MYO18B: variants seen among roughly 807,000 people sequenced by gnomAD.
MYO18B encodes the protein unconventional myosin-XVIIIb.
A neutral mutation model predicts 273.0 loss-of-function variants in MYO18B; 204 were observed. That is an observed-to-expected ratio of 0.75 (90% CI 0.67 to 0.84). MYO18B has a LOEUF of 0.84. Ranked by LOEUF, MYO18B falls within the 40% of genes least tolerant of loss-of-function variation. MYO18B has a pLI of 0.00. For synonymous variants in MYO18B, 1,330 were observed against 1,305.7 expected, an observed-to-expected ratio of 1.02 and a Z score of -0.40; for missense variants, 3,212 against 3,287.6, an observed-to-expected ratio of 0.98 and a Z score of 0.56.
At chr22:25,913,607 A>T (rs1471489090) in intron 33 of MYO18B, among the ~76,000 whole-genome samples, 1 of 152,138 alleles carries the variant, frequency 6.6e-6, no homozygotes, top group East Asian at 1.9e-4. Context: ...TGACCTCGTG[A>T]TCCACCCGCC....
chr22:25,820,852 C>A (rs1329181601), intron 12 of MYO18B, among the ~76,000 whole-genome samples: 2 of 152,126 alleles, frequency 1.3e-5, no homozygotes, highest in East Asian at 1.9e-4. Flanking sequence ...CCCTTCCCAG[C>A]CTCTAGTATG....
At chr22:26,060,681 T>C in the MYO18B span, among the ~76,000 whole-genome samples, 5 of 151,714 alleles carry the variant, frequency 3.3e-5, no homozygotes, top group South Asian at 4.2e-4. Flanking sequence ...ACATGCACAC[T>C]ACACACATAT....
chr22:25,906,392 G>A (rs1004910703), intron 31 of MYO18B, among the ~76,000 whole-genome samples: 4 of 152,182 alleles, frequency 2.6e-5, no homozygotes, highest in African/African-American at 9.7e-5. Context: ...GACATTTAAA[G>A]TGAGCCTACT....
intron 40 of MYO18B, 144 bp downstream of exon 40, chr22:25,992,637 G>C: frequency 1.8e-6 from 2 of 1,081,820 alleles, no homozygotes; most frequent in African/African-American, 1.6e-5. Context: ...CGTTTACTTG[G>C]GTAAGGAGAG....
chr22:25,986,024 G>A lies in MYO18B; in HGVS notation c.6157-6339G>A, dbSNP rs140519692. Among the ~76,000 whole-genome samples, 764 of 152,340 alleles carry A rather than the reference G, an allele frequency of 5.0e-3. 4 individuals are homozygous for A. Among genetic ancestry groups the A allele is most frequent in the African/African-American group, 0.017 (708 of 41,574 alleles). ...CTCGGACAATTTGAAGGAAGCAATG[G>A]CAGTTCCTCATAGCCTTTCTTTCTG... On this transcript the variant is annotated intron_variant, in intron 39 of 43. Coordinates refer to ENST00000335473, the MANE Select transcript of MYO18B (RefSeq NM_032608.7).
chr22:25,903,564 G>A (rs1329572952), intron 30 of MYO18B, 67 bp from the exon 31 acceptor site: 4 of 1,481,378 alleles, frequency 2.7e-6, no homozygotes, highest in African/African-American at 2.8e-5. Flanking sequence ...GGTTGTAGAG[G>A]TATCCCTGGG....
rs1229769964 is a variant in MYO18B, at chr22:25,828,938, C to G, written c.2949C>G (p.Thr983=). 1 of 1,613,990 alleles carries G rather than the reference C, an allele frequency of 6.2e-7. No individual in the cohort carries two copies. The highest frequency in any genetic ancestry group is 8.5e-7 in the Non-Finnish European group (1 of 1,179,898). Residue 983 remains threonine, a synonymous_variant, in exon 15 of 44, where the codon ACC becomes ACG. Transcript: ENST00000335473. The part of the protein sequence containing the change: ...ERLQLLFYQR[T]FVSTLQRYQE... Reference sequence around the variant, plus strand: ...TGCAGCTGCTGTTCTACCAGCGGACCTTTGTCTCCACGCTACAGCGATATC... The same window carrying G: ...TGCAGCTGCTGTTCTACCAGCGGACGTTTGTCTCCACGCTACAGCGATATC...
Position 25,832,869 on chromosome 22 carries a change from C to G in MYO18B, c.2980-48C>G, listed in dbSNP as rs775446768. The G allele has an allele frequency of 6.0e-6, 9 of 1,508,560 alleles. No homozygotes were observed. The Admixed American group carries it at 6.7e-5, about 11-fold the overall frequency. 93.4% of individuals were successfully genotyped at this position (1,508,560 alleles called of 1,614,324 possible). On this transcript the variant is annotated intron_variant, in intron 15 of 43. Coordinates refer to ENST00000335473, the MANE Select transcript of MYO18B (RefSeq NM_032608.7). ...TTCCTTCTTCAGAAGTTTTCTTCCC[C>G]CTTCAGCTCGCTAAAAGTGCTAACT...
At chr22:25,920,649 G>A (rs1476170078) in intron 33 of MYO18B, among the ~76,000 whole-genome samples, 1 of 152,232 alleles carries the variant, frequency 6.6e-6, no homozygotes, top group East Asian at 1.9e-4. Flanking sequence ...GGACAGAAAG[G>A]ATTGACTTCA....
chr22:26,001,785 G>A (rs1303616688), intron 40 of MYO18B, among the ~76,000 whole-genome samples: 2 of 152,152 alleles, frequency 1.3e-5, no homozygotes, highest in African/African-American at 4.8e-5. Flanking sequence ...CTGGGGAAGA[G>A]CCCTTTGGAA....
chr22:26,028,887 C>CAAAAAAAA (rs554144546), intron 43 of MYO18B, among the ~76,000 whole-genome samples: 1 of 75,690 alleles, frequency 1.3e-5, no homozygotes, highest in African/African-American at 4.5e-5. Context: ...GACTCCGTCT[C>CAAAAAAAA]AAAAAAAAAA....
intron 39 of MYO18B, among the ~76,000 whole-genome samples, chr22:25,981,411 C>T (rs1279572803): frequency 6.6e-6 from 1 of 152,156 alleles, no homozygotes; most frequent in Non-Finnish European, 1.5e-5. Context: ...GTGTTTTCAC[C>T]TCCCATACTG....
chr22:25,965,292 C>A (rs908349865), intron 39 of MYO18B, among the ~76,000 whole-genome samples: 4 of 152,086 alleles, frequency 2.6e-5, no homozygotes, highest in Non-Finnish European at 4.4e-5. Context: ...AGCTTGTTTC[C>A]CTCTGTACTG....
Position 25,854,450 on chromosome 22 carries a change from G to A in MYO18B, c.3885+2871G>A, listed in dbSNP as rs186469871. 6.3e-4 allele frequency among the ~76,000 whole-genome samples: 96 copies of A among 152,190 alleles called. 1 individual carries two copies. The highest frequency in any genetic ancestry group is 2.2e-3 in the African/African-American group (91 of 41,534). On this transcript the variant is annotated intron_variant, in intron 21 of 43. Coordinates refer to ENST00000335473, the MANE Select transcript of MYO18B (RefSeq NM_032608.7). Reference sequence around the variant, plus strand: ...CCCAGCCAGGTAGTAGTAGAGCTGGGATTTGAACTCAGGCTCTCAGATTCC... The same window carrying A: ...CCCAGCCAGGTAGTAGTAGAGCTGGAATTTGAACTCAGGCTCTCAGATTCC...
intron 17 of MYO18B, among the ~76,000 whole-genome samples, chr22:25,843,212 T>G (rs751225989): frequency 6.6e-6 from 1 of 152,206 alleles, no homozygotes; most frequent in Non-Finnish European, 1.5e-5. Flanking sequence ...GGAACCGATG[T>G]GCCTGTATCT....
chr22:25,846,404 G>GACAC, intron 19 of MYO18B, 121 bp downstream of exon 19: 1 of 1,071,306 alleles, frequency 9.3e-7, no homozygotes, highest in Non-Finnish European at 1.3e-6. Flanking sequence ...AGGGGCGAGT[G>GACAC]TCACCCCACG....
At chr22:25,894,429 ATT>A (rs1569161481) in intron 27 of MYO18B, among the ~76,000 whole-genome samples, 2 of 152,302 alleles carry the variant, frequency 1.3e-5, no homozygotes, top group East Asian at 3.9e-4. Context: ...GCATTATTCT[ATT>A]ATTCAGATAG....
rs200789000 is a variant in MYO18B, at chr22:26,001,806, CTG to C, written c.6288-1458_6288-1457del. Among the ~76,000 whole-genome samples, 1,445 of 152,312 alleles carry C rather than the reference CTG, an allele frequency of 9.5e-3. 32 individuals are homozygous for C. The highest frequency in any genetic ancestry group is 0.033 in the African/African-American group (1,368 of 41,566). ...AAGAGCCCTTTGGAAGAGGGTGAAT[CTG>C]AATGCCGAGTCCACCCGTGGGGCTA... is the stretch of plus-strand genomic sequence containing the variant. On this transcript the variant is annotated intron_variant, in intron 40 of 43. Coordinates refer to ENST00000335473, the MANE Select transcript of MYO18B (RefSeq NM_032608.7).
At chr22:25,754,835 A>G (rs938782718) in intron 1 of MYO18B, among the ~76,000 whole-genome samples, 1 of 152,200 alleles carries the variant, frequency 6.6e-6, no homozygotes, top group Non-Finnish European at 1.5e-5. Flanking sequence ...GTTCCCTCGC[A>G]TTGTCCCTTT....
Sources: gnomAD v4.1 joint callset for allele counts (sites outside exome capture counted in the v4.1 genomes callset) on GRCh38, gnomAD v4.1.1 for gene constraint, MANE v1.5 for transcripts, NCBI Gene and HGNC (gene_info 2026-07-23, HGNC 2026-07-21) for gene names.